The following PCOLCE2 variants were observed in gnomAD, a reference collection of about 807,000 sequenced individuals.
PCOLCE2 encodes procollagen C-proteinase enhancer 2.
In PCOLCE2, 42 loss-of-function variants were observed where a neutral mutation model predicts 47.0. That is an observed-to-expected ratio of 0.89 (90% CI 0.70 to 1.16). The LOEUF (loss-of-function observed/expected upper bound fraction) is 1.16, where lower values mean the gene tolerates loss of function less well. Ranked by LOEUF, PCOLCE2 falls within the 50% of genes most tolerant of loss-of-function variation. The pLI is 0.00. For missense variants in PCOLCE2, 500 were observed against 526.1 expected (o/e 0.95, Z 0.49); for synonymous variants, 169 against 191.7 (o/e 0.88, Z 0.98).
At chr3:142,854,740 G>A (rs1167731272) in intron 2 of PCOLCE2, among the ~76,000 whole-genome samples, 1 of 152,118 alleles carries the variant, frequency 6.6e-6, no homozygotes, top group Non-Finnish European at 1.5e-5. Flanking sequence ...ACTGCACTTA[G>A]AATAAAATCT....
At chr3:142,828,303 T>C (rs1022590774) in intron 6 of PCOLCE2, among the ~76,000 whole-genome samples, 1 of 152,174 alleles carries the variant, frequency 6.6e-6, no homozygotes, top group Non-Finnish European at 1.5e-5. Flanking sequence ...GGGAAGGGGT[T>C]TGGGCTCCCA....
intron 2 of PCOLCE2, among the ~76,000 whole-genome samples, chr3:142,850,840 T>C (rs1352368362): frequency 6.6e-6 from 1 of 151,362 alleles, no homozygotes; most frequent in Admixed American, 6.6e-5. Flanking sequence ...CTAAGCAGAG[T>C]TTTTGCAATG....
chr3:142,876,359 G>A, intron 2 of PCOLCE2, among the ~76,000 whole-genome samples: 1 of 133,708 alleles, frequency 7.5e-6, no homozygotes, highest in Admixed American at 7.3e-5. Flanking sequence ...ATCCTATGAG[G>A]TAGGGAGTAT....
chr3:142,863,151 C>A (rs1933214046), intron 2 of PCOLCE2, among the ~76,000 whole-genome samples: 1 of 145,224 alleles, frequency 6.9e-6, no homozygotes, highest in African/African-American at 2.5e-5. Flanking sequence ...TCACAGCAGG[C>A]ATTTGCATGG....
intron 2 of PCOLCE2, among the ~76,000 whole-genome samples, chr3:142,885,767 C>T (rs1035945275): frequency 2.6e-5 from 4 of 152,188 alleles, no homozygotes; most frequent in African/African-American, 9.7e-5. Context: ...ACGCAGACAC[C>T]AGATAAGCTC....
chr3:142,867,833 T>C (rs568327573), intron 2 of PCOLCE2, among the ~76,000 whole-genome samples: 1 of 152,184 alleles, frequency 6.6e-6, no homozygotes, highest in Non-Finnish European at 1.5e-5. Flanking sequence ...CAGATACCTA[T>C]ATATATAAAT....
At chr3:142,849,979 C>T (rs748074164) in intron 2 of PCOLCE2, among the ~76,000 whole-genome samples, 4 of 152,076 alleles carry the variant, frequency 2.6e-5, no homozygotes, top group Admixed American at 6.6e-5. Context: ...ATTATAATGG[C>T]GTAGTTCCCA....
intron 2 of PCOLCE2, among the ~76,000 whole-genome samples, chr3:142,879,759 GGA>G (rs1390244824): frequency 6.6e-6 from 1 of 152,122 alleles, no homozygotes; most frequent in Admixed American, 6.5e-5. Context: ...CACGAGGTCA[GGA>G]GATCGAGACC....
Position 142,888,833 on chromosome 3 carries a change from G to A in PCOLCE2, c.64C>T (p.Arg22Trp). 6.5e-7 allele frequency: 1 copy of A among 1,543,806 alleles called. No individual in the cohort carries two copies. The highest frequency in any genetic ancestry group is 8.7e-7 in the Non-Finnish European group (1 of 1,147,804). Residue 22 changes from arginine to tryptophan, a missense_variant, in exon 1 of 9, where the codon CGG becomes TGG. Physicochemically the swap from Arg to Trp is moderately radical, Grantham distance 101. Coordinates refer to ENST00000295992, the MANE Select transcript of PCOLCE2 (RefSeq NM_013363.4). The stretch of plus-strand genomic sequence containing the variant: ...CGTTACCTCTCTGGGGACTGCTGCC[G>A]CGAGAGCTGGGTGGCGGCAGCCAGC... ...LLLAAATQLS[R>W]QQSPERPVFT...
chr3:142,872,240 A>G (rs1933406009), intron 2 of PCOLCE2, among the ~76,000 whole-genome samples: 1 of 152,104 alleles, frequency 6.6e-6, no homozygotes, highest in Non-Finnish European at 1.5e-5. Flanking sequence ...GTGTTACTGT[A>G]CTATCCTTTG....
intron 2 of PCOLCE2, among the ~76,000 whole-genome samples, chr3:142,870,118 G>A (rs1217800025): frequency 2.0e-5 from 3 of 152,028 alleles, no homozygotes; most frequent in African/African-American, 4.8e-5. Flanking sequence ...TCACTTTTTC[G>A]TTCTCTGTCT....
chr3:142,872,909 C>A (rs1266481668), intron 2 of PCOLCE2, among the ~76,000 whole-genome samples: 1 of 152,080 alleles, frequency 6.6e-6, no homozygotes, highest in Non-Finnish European at 1.5e-5. Flanking sequence ...CTTTTATTTT[C>A]CCCCAAAAGA....
intron 2 of PCOLCE2, among the ~76,000 whole-genome samples, chr3:142,848,760 G>C (rs551488623): frequency 6.6e-6 from 1 of 152,200 alleles, no homozygotes; most frequent in Non-Finnish European, 1.5e-5. Context: ...ATTAATAGAT[G>C]AGTCATTGCT....
At chr3:142,825,428 C>T (rs1202524340) in intron 6 of PCOLCE2, among the ~76,000 whole-genome samples, 1 of 152,122 alleles carries the variant, frequency 6.6e-6, no homozygotes, top group Non-Finnish European at 1.5e-5. Flanking sequence ...GGCTGTGTTC[C>T]CGCGATCGTT....
intron 3 of PCOLCE2, among the ~76,000 whole-genome samples, chr3:142,847,877 T>G (rs1937344008): frequency 6.6e-6 from 1 of 152,162 alleles, no homozygotes; most frequent in African/African-American, 2.4e-5. Context: ...AGTACTCAAA[T>G]AAAAGCAAGC....
intron 5 of PCOLCE2, among the ~76,000 whole-genome samples, chr3:142,833,236 T>A (rs1937170164): frequency 6.6e-6 from 1 of 152,208 alleles, no homozygotes; most frequent in African/African-American, 2.4e-5. Flanking sequence ...TCGCCCAGGC[T>A]GGAGTGCAGT....
At position 142,838,587 on chromosome 3, in the gene PCOLCE2, T is replaced by A. The variant is rs542992450; in HGVS notation, c.710+183A>T. On this transcript the variant is annotated intron_variant, in intron 5 of 8. Transcript: ENST00000295992. ...CCCTGAGCCAATTAAACCTCTTTTTTTAAATAAATTACCCAGTCTCAGGTA... is the reference window on the plus strand; with the variant it reads ...CCCTGAGCCAATTAAACCTCTTTTTATAAATAAATTACCCAGTCTCAGGTA... Among the ~76,000 whole-genome samples the A allele has an allele frequency of 2.0e-5, 3 of 152,296 alleles. No individual in the cohort carries two copies. In the East Asian group the frequency reaches 5.8e-4, roughly 29 times the overall value.
intron 6 of PCOLCE2, among the ~76,000 whole-genome samples, chr3:142,828,217 G>A (rs1937107596): frequency 6.6e-6 from 1 of 152,206 alleles, no homozygotes; most frequent in Non-Finnish European, 1.5e-5. Flanking sequence ...TAGAGCATAG[G>A]AGAGAGTTTG....
chr3:142,852,111 G>C (rs1012378402), intron 2 of PCOLCE2, among the ~76,000 whole-genome samples: 2 of 152,252 alleles, frequency 1.3e-5, no homozygotes, highest in African/African-American at 4.8e-5. Flanking sequence ...ATCTGTACCA[G>C]TGTAAGTCTC....
Sources: gnomAD v4.1 joint callset for allele counts (sites outside exome capture counted in the v4.1 genomes callset) on GRCh38, gnomAD v4.1.1 for gene constraint, MANE v1.5 for transcripts, NCBI Gene and HGNC (gene_info 2026-07-23, HGNC 2026-07-21) for gene names.